SH3D19: variants seen among roughly 807,000 people sequenced by gnomAD.
The protein encoded by SH3D19 is SH3 domain-containing protein 19.
Under a neutral mutation model 112.1 loss-of-function variants are expected in SH3D19, and 58 were observed. The ratio of observed to expected loss-of-function variants is 0.52; its 90% CI spans 0.42 to 0.64. SH3D19 has a LOEUF of 0.64. Ranked by LOEUF, SH3D19 falls within the 30% of genes least tolerant of loss-of-function variation. The probability of loss-of-function intolerance (pLI) is 0.00; values close to 1 mark genes in which losing one functional copy is unlikely to be tolerated. For synonymous variants in SH3D19, 391 were observed against 448.5 expected, an observed-to-expected ratio of 0.87 and a Z score of 1.62; for missense variants, 1,090 against 1,263.4, an observed-to-expected ratio of 0.86 and a Z score of 2.08.
chr4:151,145,881 G>C (rs1327558708), intron 11 of SH3D19, among the ~76,000 whole-genome samples: 1 of 152,118 alleles, frequency 6.6e-6, no homozygotes. Context: ...TGTTAAAGGA[G>C]GATAATAATA....
At chr4:151,140,913 C>T (rs927792619) in intron 12 of SH3D19, 1 of 152,184 alleles carries the variant, frequency 6.6e-6, no homozygotes, top group African/African-American at 2.4e-5. Flanking sequence ...ATCTCAGCTG[C>T]TCTTTCAACC....
rs374402485 is a variant in SH3D19 at position 151,122,308 on chromosome 4, T to C, written c.3028-101A>G. 1.6e-4 allele frequency: 102 copies of C among 652,008 alleles called. 1 individual carries two copies. Among genetic ancestry groups the C allele is most frequent in the South Asian group, 1.5e-3 (79 of 51,556 alleles). 40.4% of individuals were successfully genotyped at this position (652,008 alleles called of 1,614,324 possible). A position where few individuals can be genotyped will look rare whatever the true frequency, so the allele number is the denominator to read the frequency against. On this transcript the variant is annotated intron_variant, in intron 19 of 19. Coordinates refer to ENST00000604030, the MANE Select transcript of SH3D19 (RefSeq NM_001378122.1). ...GCATGAATAATCTTCTCTGTATAAC[T>C]CATTTATCTTGATTGTTGAGAATTA...
At chr4:151,312,916 A>T (rs1315895608) in intron 1 of SH3D19, among the ~76,000 whole-genome samples, 3 of 149,660 alleles carry the variant, frequency 2.0e-5, no homozygotes, top group South Asian at 4.3e-4. Flanking sequence ...AAAAAAAAAT[A>T]AATAAAATAA....
rs1751086093 is a variant in SH3D19, at chr4:151,133,128, C to G, written c.2595G>C (p.Trp865Cys). 1 of 1,614,128 alleles carries G rather than the reference C, an allele frequency of 6.2e-7. No homozygotes were observed. Among genetic ancestry groups the G allele is most frequent in the African/African-American group, 1.3e-5 (1 of 75,034 alleles). The change falls in exon 16 of 20, where the codon TGG (tryptophan) becomes TGC (cysteine). Residue 865 changes from tryptophan to cysteine, a missense_variant. By Grantham distance (215) the Trp-to-Cys change is radical. Coordinates refer to ENST00000604030, the MANE Select transcript of SH3D19 (RefSeq NM_001378122.1). ...IILKEYVNEE[W>C]ARGEVRGRTG... ...TTCTGCCTCGAACTTCTCCTCTGGC[C>G]CATTCCTCATTCACATACTCTTTAA...
chr4:151,234,196 T>A (rs1157225367), intron 1 of SH3D19, among the ~76,000 whole-genome samples: 1 of 152,248 alleles, frequency 6.6e-6, no homozygotes, highest in Non-Finnish European at 1.5e-5. Flanking sequence ...ACATTTGAAC[T>A]GGAAGAGAAA....
chr4:151,307,798 G>T (rs1183527596), intron 1 of SH3D19, among the ~76,000 whole-genome samples: 2 of 152,252 alleles, frequency 1.3e-5, no homozygotes, highest in African/African-American at 4.8e-5. Flanking sequence ...TCCACAGGGT[G>T]AGCCATGAGC....
At chr4:151,227,409 T>TA (rs1340953804) in intron 1 of SH3D19, among the ~76,000 whole-genome samples, 1 of 152,234 alleles carries the variant, frequency 6.6e-6, no homozygotes, top group Non-Finnish European at 1.5e-5. Flanking sequence ...AGATTCACAA[T>TA]AAAGCATGCC....
At chr4:151,161,979 A>C (rs1317712720) in intron 8 of SH3D19, among the ~76,000 whole-genome samples, 4 of 151,490 alleles carry the variant, frequency 2.6e-5, no homozygotes, top group Non-Finnish European at 5.9e-5. Flanking sequence ...TCATTTTTTA[A>C]AAGAATATTT....
intron 1 of SH3D19, among the ~76,000 whole-genome samples, chr4:151,304,288 G>C (rs1185763443): frequency 2.6e-5 from 4 of 152,096 alleles, no homozygotes; most frequent in Admixed American, 1.3e-4. Context: ...CCAACCAAAA[G>C]CTTGTAGCAA....
chr4:151,128,339 T>G lies in SH3D19; in HGVS notation c.2760A>C (p.Ala920=), dbSNP rs751233262. ...AACTGTGAAGAGCTTCACACCATTC[T>G]GCCGGAAGACTGTTAACCTGTTATC... The part of the protein sequence containing the change: ...GSNSQVNSLP[A]EWCEALHSFT... Residue 920 remains alanine (A), a synonymous_variant, in exon 18 of 20, where the codon GCA becomes GCC. Transcript: ENST00000604030. 6.2e-7 allele frequency: 1 copy of G among 1,613,652 alleles called. No individual in the cohort carries two copies. The highest frequency in any genetic ancestry group is 8.5e-7 in the Non-Finnish European group (1 of 1,179,810).
At chr4:151,295,431 C>G (rs1480753826) in intron 1 of SH3D19, among the ~76,000 whole-genome samples, 1 of 152,206 alleles carries the variant, frequency 6.6e-6, no homozygotes, top group Non-Finnish European at 1.5e-5. Context: ...GTCTTACCGT[C>G]CCCTATTCTT....
chr4:151,182,129 C>T (rs1761057375), intron 3 of SH3D19, among the ~76,000 whole-genome samples: 1 of 152,042 alleles, frequency 6.6e-6, no homozygotes, highest in African/African-American at 2.4e-5. Context: ...GCTGGGACTA[C>T]AGGCATGCAC....
At chr4:151,323,404 A>G (rs1730743769) in intron 1 of SH3D19, among the ~76,000 whole-genome samples, 1 of 152,254 alleles carries the variant, frequency 6.6e-6, no homozygotes, top group Admixed American at 6.5e-5. Context: ...TAGCACAGAC[A>G]TAACTAACAA....
intron 7 of SH3D19, 46 bp from the exon 8 acceptor site, chr4:151,165,742 C>G: frequency 6.6e-7 from 1 of 1,510,048 alleles, no homozygotes; most frequent in East Asian, 2.3e-5. Context: ...TTAACATGGA[C>G]TGAAACAAAA....
intron 3 of SH3D19, among the ~76,000 whole-genome samples, chr4:151,183,441 T>C (rs1161842778): frequency 6.6e-6 from 1 of 152,132 alleles, no homozygotes; most frequent in African/African-American, 2.4e-5. Context: ...CCCTCAGCGA[T>C]CGTCCTACTC....
intron 2 of SH3D19, among the ~76,000 whole-genome samples, chr4:151,200,107 T>G (rs1211516486): frequency 6.6e-6 from 1 of 152,144 alleles, no homozygotes; most frequent in Admixed American, 6.6e-5. Flanking sequence ...AGTCTGCTGG[T>G]GTCTTATCTT....
At chr4:151,316,108 A>G (rs1729959183) in intron 1 of SH3D19, among the ~76,000 whole-genome samples, 1 of 152,192 alleles carries the variant, frequency 6.6e-6, no homozygotes, top group Non-Finnish European at 1.5e-5. Flanking sequence ...TAGAAAAGTC[A>G]TGATAATAAT....
At chr4:151,145,411 G>A (rs1294669466) in intron 11 of SH3D19, among the ~76,000 whole-genome samples, 1 of 152,040 alleles carries the variant, frequency 6.6e-6, no homozygotes, top group African/African-American at 2.4e-5. Context: ...AATCGACCTT[G>A]TTATGTTCCT....
chr4:151,122,302 T>C (rs982684984), intron 19 of SH3D19, 95 bp from the exon 20 acceptor site: 25 of 670,812 alleles, frequency 3.7e-5, no homozygotes, highest in African/African-American at 2.9e-4. Context: ...ATCTTCTCTG[T>C]ATAACTCATT....
Sources: allele counts gnomAD v4.1 joint callset (sites outside exome capture counted in the v4.1 genomes callset), GRCh38; gene constraint gnomAD v4.1.1; transcripts MANE v1.5; gene names NCBI Gene and HGNC (gene_info 2026-07-23, HGNC 2026-07-21).